Variants in CBARP observed in about 807,000 individuals in gnomAD.
CBARP encodes CACN subunit beta associated regulatory protein.
In CBARP, 24 loss-of-function variants were observed where a neutral mutation model predicts 36.3. The observed-to-expected ratio is 0.66, with a 90% CI of 0.48 to 0.93. The LOEUF is 0.93. CBARP is among the 40% of genes least tolerant of loss of function. The probability of loss-of-function intolerance (pLI) is 0.00; values close to 1 mark genes in which losing one functional copy is unlikely to be tolerated. For synonymous variants in CBARP, 586 were observed against 453.2 expected (o/e 1.29, Z -3.72); for missense variants, 1,146 against 980.4 (o/e 1.17, Z -2.26).
At chr19:1,236,212 G>C in intron 1 of CBARP, 91 bp from the exon 2 acceptor site, 2 of 1,337,732 alleles carry the variant, frequency 1.5e-6, no homozygotes, top group South Asian at 4.0e-5. Flanking sequence ...GCAGGAGCAG[G>C]AGCCCACACA....
chr19:1,229,178 CT>C lies in CBARP; in HGVS notation c.2118del (p.Ter706=). 1 of 1,142,842 alleles carries C rather than the reference CT, an allele frequency of 8.8e-7. No homozygotes were observed. Among genetic ancestry groups the C allele is most frequent in the Non-Finnish European group, 1.1e-6 (1 of 910,648 alleles). 70.8% of individuals were successfully genotyped at this position (1,142,842 alleles called of 1,614,324 possible). A position where few individuals can be genotyped will look rare whatever the true frequency, so the allele number is the denominator to read the frequency against. On this transcript the variant is annotated frameshift_variant and stop_lost, in exon 10 of 10. Coordinates refer to ENST00000650044, the MANE Select transcript of CBARP (RefSeq NM_001393918.1). LOFTEE classifies it high-confidence loss of function. The surrounding 1 kb of genome is among the most constrained non-coding windows in gnomAD (Gnocchi z 5.1). ...AGAGAGATGGGCCCAGGACGCGGGA[CT>C]TAGGCCGGGCTGTGGTCGGGGGACG... ...APTSPDHSPA[*>X]
Position 1,229,966 on chromosome 19 carries a change from A to G in CBARP, c.1331T>C (p.Leu444Pro), listed in dbSNP as rs1388994309. The G allele has an allele frequency of 1.6e-6, 2 of 1,214,194 alleles. No individual in the cohort carries two copies. The highest frequency in any genetic ancestry group is 2.1e-6 in the Non-Finnish European group (2 of 953,614). 75.2% of individuals were successfully genotyped at this position (1,214,194 alleles called of 1,614,324 possible). ...GTCCGAGGCGGCCGCATGCAGCTCA[A>G]GCGAGGCGCGCAGGCTCCACAGGTC... Reference protein sequence around the residue: ...YRDLWSLRASLELHAAASDHS... With the variant: ...YRDLWSLRASPELHAAASDHS... The change falls in exon 10 of 10, where the codon CTT becomes CCT. Residue 444 changes from leucine (L) to proline (P), a missense_variant. By Grantham distance (98) the Leu-to-Pro change is moderately conservative (BLOSUM62 -3). Transcript: ENST00000650044. The surrounding 1 kb of genome is among the most constrained non-coding windows in gnomAD (Gnocchi z 5.1).
Position 1,234,289 on chromosome 19 carries a change from A to G in CBARP, c.670T>C (p.Ser224Pro), listed in dbSNP as rs1009798419. ...TTGTAGGGGTCACCTGGCAGGGCGG[A>G]GCTGGGGCCCACAGAGCGGCCGGTG... ...ALTGRSVGPS[S>P]ALPGDPYNSA... The change falls in exon 7 of 10, where the codon TCC becomes CCC. Residue 224 changes from serine to proline, a missense_variant. By Grantham distance (74) the Ser-to-Pro change is moderately conservative. Coordinates refer to ENST00000650044, the MANE Select transcript of CBARP (RefSeq NM_001393918.1). 2.8e-6 allele frequency: 4 copies of G among 1,449,668 alleles called. No homozygotes were observed. In the African/African-American group the frequency reaches 5.7e-5, roughly 21 times the overall value. The allele number at this position is 1,449,668 out of a possible 1,614,324, so 89.8% of individuals were successfully genotyped here.
At chr19:1,230,644 TCCCATC>T (rs1362385670) in intron 9 of CBARP, 1 of 1,264,686 alleles carries the variant, frequency 7.9e-7, no homozygotes, top group African/African-American at 1.6e-5. Flanking sequence ...CACGCCCCAT[TCCCATC>T]CCACCGACGT....
In CBARP at chr19:1,235,212, C is replaced by A. The variant is rs2080950520; in HGVS notation, c.311-67G>T. The A allele has an allele frequency of 2.1e-6, 3 of 1,397,526 alleles. No individual in the cohort carries two copies. The South Asian group carries it at 4.7e-5, about 22-fold the overall frequency. 86.6% of individuals were successfully genotyped at this position (1,397,526 alleles called of 1,614,324 possible). ...CGCCAGGCGCCTGGTCCCGGGAGGGCTGCTCCTCCGGGCGGCCACGGCAGG... is the reference window on the plus strand; with the variant it reads ...CGCCAGGCGCCTGGTCCCGGGAGGGATGCTCCTCCGGGCGGCCACGGCAGG... On this transcript the variant is annotated intron_variant, in intron 4 of 9. Coordinates refer to ENST00000650044, the MANE Select transcript of CBARP (RefSeq NM_001393918.1).
chr19:1,237,966 T>A lies in CBARP; in HGVS notation c.-232A>T, dbSNP rs2080998977. ...GCTCCGCGCGCCCGGTGCTGCCCGG[T>A]CCCCGGCCCGCCGCCCCCGCTGCGC... On this transcript the variant is annotated 5_prime_UTR_variant, in exon 1 of 10. Transcript: ENST00000650044. The A allele has an allele frequency of 6.8e-6, 1 of 146,402 alleles. No homozygotes were observed. Among genetic ancestry groups the A allele is most frequent in the Non-Finnish European group, 1.5e-5 (1 of 65,856 alleles). The allele number at this position is 146,402 out of a possible 1,614,324, so 9.1% of individuals were successfully genotyped here.
At chr19:1,235,410 G>A (rs1599950369) in intron 4 of CBARP, 91 bp downstream of exon 4, 13 of 1,353,006 alleles carry the variant, frequency 9.6e-6, no homozygotes, top group Non-Finnish European at 1.2e-5. Context: ...GAGACAGACA[G>A]ACACAGACGG....
Position 1,234,223 on chromosome 19 carries a change from A to AG in CBARP, c.735dup (p.Ser246LeufsTer4). 6.6e-7 allele frequency: 1 copy of AG among 1,517,932 alleles called. No individual in the cohort carries two copies. The allele number at this position is 1,517,932 out of a possible 1,614,324, so 94.0% of individuals were successfully genotyped here. A position where few individuals can be genotyped will look rare whatever the true frequency, so the allele number is the denominator to read the frequency against. ...CCTTCCCCAGAGTCGCTAGATGCCG[A>AG]GGGGCTGATCTCTGCGAAGTCAGTG... On this transcript the variant is annotated frameshift_variant, in exon 7 of 10. Transcript: ENST00000650044. LOFTEE classifies it high-confidence loss of function.
In CBARP at chr19:1,234,256, C is replaced by T. The variant is rs58142912; in HGVS notation, c.703G>A (p.Ala235Thr). The T allele has an allele frequency of 1.6e-3, 2,313 of 1,475,004 alleles. 69 individuals carry two copies. In the East Asian group the frequency reaches 0.051, roughly 32 times the overall value. The allele number at this position is 1,475,004 out of a possible 1,614,324, so 91.4% of individuals were successfully genotyped here. A position where few individuals can be genotyped will look rare whatever the true frequency, so the allele number is the denominator to read the frequency against. The change falls in exon 7 of 10, where the codon GCG (alanine) becomes ACG (threonine). Residue 235 changes from alanine to threonine, a missense_variant. Coordinates refer to ENST00000650044, the MANE Select transcript of CBARP (RefSeq NM_001393918.1). ...ALPGDPYNSA[A>T]GATDFAEISP... Reference sequence around the variant, plus strand: ...ATCTCTGCGAAGTCAGTGGCGCCCGCGGCTGAGTTGTAGGGGTCACCTGGC... The same window carrying T: ...ATCTCTGCGAAGTCAGTGGCGCCCGTGGCTGAGTTGTAGGGGTCACCTGGC...
At position 1,228,792 on chromosome 19, in the gene CBARP, C is replaced by A. The variant is rs1371885233; in HGVS notation, c.*387G>T. The A allele has an allele frequency of 1.4e-5, 2 of 147,252 alleles. No homozygotes were observed. The highest frequency in any genetic ancestry group is 3.0e-5 in the Non-Finnish European group (2 of 66,148). The allele number at this position is 147,252 out of a possible 1,614,324, so 9.1% of individuals were successfully genotyped here. The stretch of plus-strand genomic sequence containing the variant: ...CCATCGGGCCCAGTGGGCTGCGCGA[C>A]CCTCGGGTGGCGGGCCCTGCGACTA... On this transcript the variant is annotated 3_prime_UTR_variant, in exon 10 of 10. Transcript: ENST00000650044.
intron 4 of CBARP, 153 bp downstream of exon 4, chr19:1,235,348 C>G (rs1335353396): frequency 9.3e-7 from 1 of 1,080,908 alleles, no homozygotes; most frequent in Non-Finnish European, 1.3e-6. Context: ...TACGCCTGGG[C>G]GTTAAGGAAA....
rs1367379831 is a variant in CBARP at position 1,228,725 on chromosome 19, CCGCCCGGGCGAGCTCGCGCACG to C, written c.*432_*453del. ...TGCGACCGTTAGCGCCCCGCGGCCC[CCGCCCGGGCGAGCTCGCGCACG>C]CGCCCGGCACGCGGCGGCTCCATCG... On this transcript the variant is annotated 3_prime_UTR_variant, in exon 10 of 10. Coordinates refer to ENST00000650044, the MANE Select transcript of CBARP (RefSeq NM_001393918.1). 2 of 147,828 alleles carry C rather than the reference CCGCCCGGGCGAGCTCGCGCACG, an allele frequency of 1.4e-5. No individual in the cohort carries two copies. Among genetic ancestry groups the C allele is most frequent in the Non-Finnish European group, 3.0e-5 (2 of 66,428 alleles). The allele number at this position is 147,828 out of a possible 1,614,324, so 9.2% of individuals were successfully genotyped here. A position where few individuals can be genotyped will look rare whatever the true frequency, so the allele number is the denominator to read the frequency against.
intron 1 of CBARP, among the ~76,000 whole-genome samples, chr19:1,237,533 C>T (rs1271790420): frequency 1.3e-5 from 2 of 152,000 alleles, no homozygotes; most frequent in African/African-American, 4.8e-5. Flanking sequence ...GCCGAGACGC[C>T]ATCGTCCTCG....
Position 1,234,647 on chromosome 19 carries a change from C to G in CBARP, c.551G>C (p.Cys184Ser). 1 of 1,611,636 alleles carries G rather than the reference C, an allele frequency of 6.2e-7. No homozygotes were observed. Among genetic ancestry groups the G allele is most frequent in the Non-Finnish European group, 8.5e-7 (1 of 1,179,340 alleles). Residue 184 changes from cysteine (C) to serine (S), a missense_variant, in exon 6 of 10, where the codon TGT (cysteine) becomes TCT (serine). Cys to Ser is a moderately radical substitution (Grantham distance 112, BLOSUM62 -1). Transcript: ENST00000650044. ...GGCTGAGCTGGCCTCGCCTGAGTCA[C>G]ACTCGTGGATGGTGACAATCTTGAG... ...PPLKIVTIHECDSGEASSATT... is the reference protein window; with the variant it reads ...PPLKIVTIHESDSGEASSATT...
chr19:1,230,680 A>C, intron 9 of CBARP: 4 of 1,270,764 alleles, frequency 3.1e-6, no homozygotes, highest in Non-Finnish European at 4.0e-6. Context: ...GCTTCAGGGA[A>C]GTTGCCCTTG....
chr19:1,233,043 A>G (rs1045088321), intron 8 of CBARP, among the ~76,000 whole-genome samples: 1 of 152,236 alleles, frequency 6.6e-6, no homozygotes, highest in East Asian at 1.9e-4. Flanking sequence ...CCCAGGGATG[A>G]GAGCCGAGCA....
Position 1,230,072 on chromosome 19 carries a change from C to A in CBARP, c.1225G>T (p.Gly409Trp). Residue 409 changes from glycine (G) to tryptophan (W), a missense_variant, in exon 10 of 10, where the codon GGG becomes TGG. Gly to Trp is a radical substitution (Grantham distance 184). Transcript: ENST00000650044. ...SPPERGAGSA[G>W]PEQQQPPLEP... ...AGTGGCGGCTGCTGCTGCTCAGGCC[C>A]CGCGCTGCCCGCGCCGCGCTCCGGG... 2 of 1,129,842 alleles carry A rather than the reference C, an allele frequency of 1.8e-6. No homozygotes were observed. Among genetic ancestry groups the A allele is most frequent in the Non-Finnish European group, 1.1e-6 (1 of 912,920 alleles). The allele number at this position is 1,129,842 out of a possible 1,614,324, so 70.0% of individuals were successfully genotyped here. A position where few individuals can be genotyped will look rare whatever the true frequency, so the allele number is the denominator to read the frequency against.
chr19:1,236,064 TGGTGGC>T lies in CBARP; in HGVS notation c.31_36del (p.Ala11_Thr12del), dbSNP rs748789018. ...ACTGTGGCAGTGGTGGTGGTGGTGG[TGGTGGC>T]GGCTGTGGCCATGGTGGCTGTGGGC... On this transcript the variant is annotated inframe_deletion, in exon 2 of 10. Transcript: ENST00000650044. 4.0e-6 allele frequency: 6 copies of T among 1,510,798 alleles called. No individual in the cohort carries two copies. Among genetic ancestry groups the T allele is most frequent in the Non-Finnish European group, 5.3e-6 (6 of 1,133,198 alleles). The allele number at this position is 1,510,798 out of a possible 1,614,324, so 93.6% of individuals were successfully genotyped here. A position where few individuals can be genotyped will look rare whatever the true frequency, so the allele number is the denominator to read the frequency against.
chr19:1,231,415 CCA>C (rs1237728366), intron 8 of CBARP, 140 bp from the exon 9 acceptor site: 133 of 1,273,440 alleles, frequency 1.0e-4, no homozygotes, highest in Middle Eastern at 2.8e-4. Context: ...TGGACCCCCA[CCA>C]CACACACACA....
Sources: allele counts gnomAD v4.1 joint callset (sites outside exome capture counted in the v4.1 genomes callset), GRCh38; gene constraint gnomAD v4.1.1; non-coding constraint Gnocchi (gnomAD v3.1); transcripts MANE v1.5; gene names NCBI Gene and HGNC (gene_info 2026-07-23, HGNC 2026-07-21).